SYT16: variants seen among roughly 807,000 people sequenced by gnomAD.
SYT16 encodes synaptotagmin-16.
A neutral mutation model predicts 61.4 loss-of-function variants in SYT16; 42 were observed. The observed-to-expected ratio is 0.68, with a 90% CI of 0.53 to 0.89. The LOEUF (loss-of-function observed/expected upper bound fraction) is 0.89. Among genes scored for constraint, SYT16 ranks in the 40% least tolerant of loss-of-function variants. SYT16 has a pLI of 0.00. For missense variants in SYT16, 804 were observed against 807.3 expected, an observed-to-expected ratio of 1.00 and a Z score of 0.05; for synonymous variants, 314 against 302.3, an observed-to-expected ratio of 1.04 and a Z score of -0.40.
chr14:61,980,178 GTAATC>G (rs2052011725), intron 2 of SYT16, among the ~76,000 whole-genome samples: 1 of 152,200 alleles, frequency 6.6e-6, no homozygotes. Flanking sequence ...ACACTTGTGA[GTAATC>G]TAAGTTGCAA....
At chr14:61,860,627 G>A (rs114988120) in intron 1 of SYT16, among the ~76,000 whole-genome samples, 16,172 of 152,160 alleles carry the variant, frequency 0.11, 902 homozygotes, top group Non-Finnish European at 0.11. Context: ...ATAATAGATT[G>A]GAAATAAAAA....
chr14:61,842,920 TATA>T (rs1274552974), intron 1 of SYT16, among the ~76,000 whole-genome samples: 2 of 152,088 alleles, frequency 1.3e-5, no homozygotes, highest in Non-Finnish European at 2.9e-5. Flanking sequence ...AAACTTAAAG[TATA>T]ATAATAATAA....
At chr14:61,898,923 T>C (rs2048418268) in intron 1 of SYT16, among the ~76,000 whole-genome samples, 1 of 152,216 alleles carries the variant, frequency 6.6e-6, no homozygotes, top group Non-Finnish European at 1.5e-5. Flanking sequence ...TATTTTTCTA[T>C]GTAATTGAGT....
chr14:62,090,169 G>C (rs1397080826), intron 7 of SYT16, among the ~76,000 whole-genome samples: 6 of 152,176 alleles, frequency 3.9e-5, no homozygotes, highest in Non-Finnish European at 7.4e-5. Context: ...TCCTTCTACA[G>C]TGTATTACTG....
downstream of SYT16, chr14:62,112,577 T>TA (rs562162249): frequency 1.3e-5 from 2 of 152,224 alleles, no homozygotes; most frequent in Middle Eastern, 3.4e-3. Context: ...TTTTTTATGT[T>TA]AAAAAAAGAT....
intron 1 of SYT16, among the ~76,000 whole-genome samples, chr14:61,958,314 A>T (rs886235797): frequency 3.3e-5 from 5 of 150,664 alleles, no homozygotes; most frequent in African/African-American, 9.8e-5. Context: ...CCTTCTGCTA[A>T]TTTTTTGTTT....
intron 3 of SYT16, among the ~76,000 whole-genome samples, chr14:62,055,569 T>C (rs896463743): frequency 3.3e-5 from 5 of 152,220 alleles, no homozygotes; most frequent in African/African-American, 1.2e-4. Flanking sequence ...ATCATGGCTC[T>C]TCTTTTATCT....
chr14:61,998,346 A>C (rs1566750533), intron 3 of SYT16, among the ~76,000 whole-genome samples: 3 of 151,956 alleles, frequency 2.0e-5, no homozygotes, highest in Non-Finnish European at 4.4e-5. Flanking sequence ...ATTCCTTTTT[A>C]GTCAGTCCTT....
At chr14:62,053,208 A>AGTCCATT (rs2055390232) in intron 3 of SYT16, among the ~76,000 whole-genome samples, 1 of 152,214 alleles carries the variant, frequency 6.6e-6, no homozygotes, top group Non-Finnish European at 1.5e-5. Flanking sequence ...TGAACAGTAA[A>AGTCCATT]GTCCATTCTG....
At chr14:61,817,534 G>A (rs1301321033) in intron 1 of SYT16, among the ~76,000 whole-genome samples, 1 of 152,060 alleles carries the variant, frequency 6.6e-6, no homozygotes, top group Non-Finnish European at 1.5e-5. Context: ...ACCTGGTTCT[G>A]ATCACGAGGA....
intron 1 of SYT16, among the ~76,000 whole-genome samples, chr14:61,918,243 T>G (rs2049193561): frequency 6.6e-6 from 1 of 152,184 alleles, no homozygotes; most frequent in Admixed American, 6.5e-5. Flanking sequence ...AACTTTTGTC[T>G]CATTATCCAG....
At chr14:61,930,804 C>G (rs932027811) in intron 1 of SYT16, among the ~76,000 whole-genome samples, 1 of 152,082 alleles carries the variant, frequency 6.6e-6, no homozygotes, top group Non-Finnish European at 1.5e-5. Context: ...AAGAACTCCA[C>G]TAGCTGTTGC....
intron 1 of SYT16, among the ~76,000 whole-genome samples, chr14:61,939,048 T>A (rs1381320594): frequency 6.6e-6 from 1 of 152,102 alleles, no homozygotes; most frequent in Non-Finnish European, 1.5e-5. Flanking sequence ...GGCAGGAGAA[T>A]TGCTTGAACC....
rs2049342170 is a variant in SYT16, at chr14:61,921,732, T to C, written c.-324-48400T>C. The stretch of plus-strand genomic sequence containing the variant: ...GTCTAACTCAAGCCAGCTACACTGC[T>C]AGTTGTCATTAGTCACATGGAGAAC... On this transcript the variant is annotated intron_variant, in intron 1 of 7. Coordinates refer to ENST00000683842, the MANE Select transcript of SYT16 (RefSeq NM_001367656.1). 2.0e-5 allele frequency among the ~76,000 whole-genome samples: 3 copies of C among 152,186 alleles called. No individual in the cohort carries two copies. The South Asian group carries it at 6.2e-4, about 32-fold the overall frequency.
intron 7 of SYT16, among the ~76,000 whole-genome samples, chr14:62,092,070 T>C (rs1595395128): frequency 6.6e-6 from 1 of 152,004 alleles, no homozygotes; most frequent in African/African-American, 2.4e-5. Context: ...GATATATAAA[T>C]GGCCAATAGA....
intron 2 of SYT16, among the ~76,000 whole-genome samples, chr14:61,990,647 C>G (rs1056676274): frequency 2.0e-5 from 3 of 152,134 alleles, no homozygotes. Context: ...TTAGCTTTCA[C>G]CAAAATAACA....
chr14:61,960,083 C>G (rs1375981148), intron 1 of SYT16, among the ~76,000 whole-genome samples: 1 of 152,204 alleles, frequency 6.6e-6, no homozygotes, highest in Non-Finnish European at 1.5e-5. Flanking sequence ...CTGCCCACTT[C>G]AGCTTCCTTA....
At chr14:61,878,456 G>A (rs1458565241) in intron 1 of SYT16, among the ~76,000 whole-genome samples, 1 of 152,158 alleles carries the variant, frequency 6.6e-6, no homozygotes, top group Non-Finnish European at 1.5e-5. Context: ...ACTCTCAAAT[G>A]CAGGGACATG....
intron 3 of SYT16, among the ~76,000 whole-genome samples, chr14:62,048,666 G>T (rs1261451245): frequency 1.3e-5 from 2 of 152,122 alleles, no homozygotes; most frequent in Admixed American, 1.3e-4. Context: ...CAGAGATTCT[G>T]GTATGTCGTG....
Sources: allele counts gnomAD v4.1 joint callset (sites outside exome capture counted in the v4.1 genomes callset), GRCh38; gene constraint gnomAD v4.1.1; transcripts MANE v1.5; gene names NCBI Gene and HGNC (gene_info 2026-07-23, HGNC 2026-07-21).